SDHAF2: variants seen among roughly 807,000 people sequenced by gnomAD.
The protein encoded by SDHAF2 is succinate dehydrogenase complex assembly factor 2, also known as succinate dehydrogenase assembly factor 2, mitochondrial.
A neutral mutation model predicts 18.5 loss-of-function variants in SDHAF2; 21 were observed. The observed-to-expected ratio is 1.13, with a 90% confidence interval of 0.80 to 1.63. The LOEUF is 1.63. Ranked by LOEUF, SDHAF2 falls within the 40% of genes most tolerant of loss-of-function variation. The probability of loss-of-function intolerance (pLI) is 0.00; values close to 1 mark genes in which losing one functional copy is unlikely to be tolerated. For missense variants in SDHAF2, 195 were observed against 200.3 expected (o/e 0.97, Z 0.16); for synonymous variants, 84 against 70.7 (o/e 1.19, Z -0.94).
At chr11:61,431,875 AGAGAC>A (rs1481170937) in intron 1 of SDHAF2, 1 of 152,484 alleles carries the variant, frequency 6.6e-6, no homozygotes, top group African/African-American at 2.4e-5. Flanking sequence ...TATTTTTAGT[AGAGAC>A]GAGATTTCAC....
rs1862137803 is a variant in SDHAF2, at chr11:61,446,334, T to G, written c.*263T>G. 3.3e-6 allele frequency: 2 copies of G among 604,364 alleles called. No homozygotes were observed. The highest frequency in any genetic ancestry group is 2.9e-5 in the Admixed American group (1 of 34,526). The allele number at this position is 604,364 out of a possible 1,614,324, so 37.4% of individuals were successfully genotyped here. A position where few individuals can be genotyped will look rare whatever the true frequency, so the allele number is the denominator to read the frequency against. Reference sequence around the variant, plus strand: ...GCATGCAGGCTTTGCCTGGCTGCTATCTCTAGAGGCAAGTCTGCCACGAGA... The same window carrying G: ...GCATGCAGGCTTTGCCTGGCTGCTAGCTCTAGAGGCAAGTCTGCCACGAGA... On this transcript the variant is annotated 3_prime_UTR_variant, in exon 4 of 4. Transcript: ENST00000301761.
At chr11:61,442,126 C>G (rs1862074533) in intron 3 of SDHAF2, among the ~76,000 whole-genome samples, 1 of 152,156 alleles carries the variant, frequency 6.6e-6, no homozygotes, top group South Asian at 2.1e-4. Context: ...CTCCTGAGCT[C>G]AAGCAATCCA....
chr11:61,433,052 T>A (rs1861951882), intron 1 of SDHAF2: 1 of 151,220 alleles, frequency 6.6e-6, no homozygotes, highest in Non-Finnish European at 1.5e-5. Context: ...ATTTTTTTTT[T>A]TTTTTGAGAC....
Position 61,437,832 on chromosome 11 carries a change from A to G in SDHAF2, c.244A>G (p.Asn82Asp), listed in dbSNP as rs1213509916. Residue 82 changes from asparagine (N) to aspartate (D), a missense_variant, in exon 2 of 4, where the codon AAC (asparagine) becomes GAC (aspartate). Coordinates refer to ENST00000301761, the MANE Select transcript of SDHAF2 (RefSeq NM_017841.4). The part of the protein sequence containing the change: ...YESRKRGMLE[N>D]CILLSLFAKE... The stretch of plus-strand genomic sequence containing the variant: ...GAGCAGAAAGAGGGGAATGTTGGAA[A>G]ACTGCATTCTTCTTAGGTATGGGAC... 6.2e-7 allele frequency: 1 copy of G among 1,613,752 alleles called. No individual in the cohort carries two copies.
rs1303104521 is a variant in SDHAF2, at chr11:61,437,670, G to A, written c.82G>A (p.Val28Met). The change falls in exon 2 of 4, where the codon GTG becomes ATG. Residue 28 changes from valine (V) to methionine (M), a missense_variant. Transcript: ENST00000301761. ...RHSLLSPLLSVTSFRRFYRGD... is the reference protein window; with the variant it reads ...RHSLLSPLLSMTSFRRFYRGD... ...CAGCCTATTGTCTCCTTTGCTCAGT[G>A]TGACATCATTCAGACGCTTCTACAG... The A allele has an allele frequency of 6.2e-7, 1 of 1,614,210 alleles. No homozygotes were observed.
chr11:61,444,772 TC>T (rs1862118084), intron 3 of SDHAF2, among the ~76,000 whole-genome samples: 2 of 152,016 alleles, frequency 1.3e-5, no homozygotes. Context: ...TTAGCTGAAT[TC>T]CTTTTACCCA....
At chr11:61,445,821 G>T (rs1862130488) in intron 3 of SDHAF2, 120 bp from the exon 4 acceptor site, 2 of 1,171,716 alleles carry the variant, frequency 1.7e-6, no homozygotes, top group East Asian at 4.7e-5. Context: ...TTAGAAGAAG[G>T]ATGGAGACAG....
chr11:61,442,518 T>G (rs891258677), intron 3 of SDHAF2, among the ~76,000 whole-genome samples: 1 of 152,260 alleles, frequency 6.6e-6, no homozygotes, highest in Non-Finnish European at 1.5e-5. Flanking sequence ...CGTTTCAATA[T>G]TATATACATA....
intron 1 of SDHAF2, among the ~76,000 whole-genome samples, chr11:61,436,543 C>T (rs974107609): frequency 2.6e-5 from 4 of 152,150 alleles, no homozygotes; most frequent in Non-Finnish European, 5.9e-5. Flanking sequence ...GAAACCTGAT[C>T]CCCCCAAAAG....
chr11:61,442,788 G>A (rs1029738331), intron 3 of SDHAF2, among the ~76,000 whole-genome samples: 1 of 152,076 alleles, frequency 6.6e-6, no homozygotes, highest in African/African-American at 2.4e-5. Flanking sequence ...CAGTCTTGCT[G>A]TGTCACCAAG....
intron 3 of SDHAF2, among the ~76,000 whole-genome samples, chr11:61,441,923 AC>A (rs1231904625): frequency 7.0e-6 from 1 of 141,964 alleles, no homozygotes; most frequent in Non-Finnish European, 1.5e-5. Flanking sequence ...TCACTCTGTC[AC>A]CCAGGCTGGA....
rs887772871 is a variant in SDHAF2 at position 61,446,249 on chromosome 11, C to T, written c.*178C>T. 28 of 700,700 alleles carry T rather than the reference C, an allele frequency of 4.0e-5. No individual in the cohort carries two copies. The highest frequency in any genetic ancestry group is 6.3e-5 in the Non-Finnish European group (25 of 396,326). The allele number at this position is 700,700 out of a possible 1,614,324, so 43.4% of individuals were successfully genotyped here. A position where few individuals can be genotyped will look rare whatever the true frequency, so the allele number is the denominator to read the frequency against. On this transcript the variant is annotated 3_prime_UTR_variant, in exon 4 of 4. Coordinates refer to ENST00000301761, the MANE Select transcript of SDHAF2 (RefSeq NM_017841.4). ...ACATACATGTAAATGCACAATGTGA[C>T]TCATTCTCATACTTTTTTGTTCAGC...
intron 3 of SDHAF2, chr11:61,444,262 A>G (rs1226659486): frequency 6.6e-6 from 1 of 152,246 alleles, no homozygotes; most frequent in African/African-American, 2.4e-5. Context: ...TGGCAACAGT[A>G]TGTTGACCTC....
intron 3 of SDHAF2, among the ~76,000 whole-genome samples, chr11:61,443,209 A>T (rs1862091473): frequency 6.6e-6 from 1 of 152,180 alleles, no homozygotes; most frequent in Admixed American, 6.5e-5. Context: ...GCCTGTTGAA[A>T]CCATTCTGCA....
intron 3 of SDHAF2, chr11:61,444,404 G>A (rs1231895457): frequency 6.6e-6 from 1 of 152,146 alleles, no homozygotes; most frequent in Non-Finnish European, 1.5e-5. Context: ...GTCTCCCCTG[G>A]GCAACATAAG....
chr11:61,443,341 T>C (rs1451059336), intron 3 of SDHAF2, among the ~76,000 whole-genome samples: 1 of 152,240 alleles, frequency 6.6e-6, no homozygotes, highest in African/African-American at 2.4e-5. Context: ...TTAATATTAG[T>C]CATAGTCATT....
chr11:61,445,967 G>T lies in SDHAF2; in HGVS notation c.397G>T (p.Glu133Ter). The T allele has an allele frequency of 1.2e-6, 2 of 1,614,124 alleles. No individual in the cohort carries two copies. Among genetic ancestry groups the T allele is most frequent in the Non-Finnish European group, 1.7e-6 (2 of 1,180,020 alleles). Residue 133 changes from glutamate to a stop codon, truncating the protein, a stop_gained, in exon 4 of 4, where the codon GAA becomes TAA. Transcript: ENST00000301761. LOFTEE classifies it high-confidence loss of function. ...TEAKPAPEIFENEVMALLRDF... is the reference protein window; with the variant it reads ...TEAKPAPEIF ...AGCTAAACCAGCCCCAGAAATATTTGAAAATGAAGTCATGGCCCTGCTGAG... is the reference window on the plus strand; with the variant it reads ...AGCTAAACCAGCCCCAGAAATATTTTAAAATGAAGTCATGGCCCTGCTGAG...
chr11:61,443,263 G>A (rs1862092026), intron 3 of SDHAF2, among the ~76,000 whole-genome samples: 1 of 151,946 alleles, frequency 6.6e-6, no homozygotes, highest in African/African-American at 2.4e-5. Flanking sequence ...TTTGACTTTT[G>A]GAGTTTCCAA....
At chr11:61,438,392 T>C (rs768966166) in intron 3 of SDHAF2, 78 of 538,624 alleles carry the variant, frequency 1.4e-4, no homozygotes, top group Admixed American at 6.9e-4. Flanking sequence ...AGAGACAGGG[T>C]TTCTCTGTGT....
Sources: allele counts gnomAD v4.1 joint callset (sites outside exome capture counted in the v4.1 genomes callset), GRCh38; gene constraint gnomAD v4.1.1; transcripts MANE v1.5; gene names NCBI Gene and HGNC (gene_info 2026-07-23, HGNC 2026-07-21).